AGO2: variants seen among roughly 807,000 people sequenced by gnomAD.
AGO2 encodes protein argonaute-2.
In AGO2, 5 loss-of-function variants were observed where a neutral mutation model predicts 102.3. That is an observed-to-expected ratio of 0.05 (90% CI 0.03 to 0.10). AGO2 has a LOEUF of 0.10. AGO2 is among the 10% of genes least tolerant of loss of function. The pLI is 1.00. For synonymous variants in AGO2, 449 were observed against 473.1 expected (o/e 0.95, Z 0.66); for missense variants, 541 against 1,183.7 (o/e 0.46, Z 7.97).
At position 140,531,783 on chromosome 8, in the gene AGO2, G is replaced by A. The variant is rs760430434; in HGVS notation, c.*261C>T. The A allele has an allele frequency of 4.8e-5, 17 of 353,716 alleles. No individual in the cohort carries two copies. The highest frequency in any genetic ancestry group is 8.3e-5 in the Admixed American group (2 of 24,008). The allele number at this position is 353,716 out of a possible 1,614,324, so 21.9% of individuals were successfully genotyped here. On this transcript the variant is annotated 3_prime_UTR_variant, in exon 19 of 19. Transcript: ENST00000220592. ...GTTTTAGGAGATTTTTAGGACACACGGGACTCTGTTTTAATAAGCAGCTTA... is the reference window on the plus strand; with the variant it reads ...GTTTTAGGAGATTTTTAGGACACACAGGACTCTGTTTTAATAAGCAGCTTA...
At chr8:140,544,390 G>A in intron 13 of AGO2, 87 bp from the exon 14 acceptor site, 2 of 1,101,936 alleles carry the variant, frequency 1.8e-6, no homozygotes, top group Non-Finnish European at 2.6e-6. Flanking sequence ...TTTTGGAGGT[G>A]GTCAGTGTAT....
At position 140,539,254 on chromosome 8, in the gene AGO2, G is replaced by A; in HGVS notation, c.2169+66C>T. The A allele has an allele frequency of 3.9e-6, 6 of 1,533,618 alleles. No homozygotes were observed. The highest frequency in any genetic ancestry group is 2.3e-5 in the East Asian group (1 of 43,754). On this transcript the variant is annotated intron_variant, in intron 16 of 18. Transcript: ENST00000220592. The surrounding 1 kb of genome is among the most constrained non-coding windows in gnomAD (Gnocchi z 4.7). ...CTGTGGCCAGCAGGTTCTCTTGTGA[G>A]TGTGCTCGGGGTGTGGGGCTGAGGG... is the stretch of plus-strand genomic sequence containing the variant.
At chr8:140,556,086 C>A in intron 9 of AGO2, 68 bp from the exon 10 acceptor site, 3 of 1,610,728 alleles carry the variant, frequency 1.9e-6, no homozygotes, top group Non-Finnish European at 2.5e-6. Context: ...CAGCTGCGTC[C>A]GTTCCAAGCA....
At chr8:140,581,205 C>A (rs1242732227) in intron 2 of AGO2, among the ~76,000 whole-genome samples, 3 of 152,216 alleles carry the variant, frequency 2.0e-5, no homozygotes, top group Admixed American at 6.5e-5. Flanking sequence ...GAGTTTGAGA[C>A]CAGCCTGGGC....
chr8:140,601,751 A>G (rs997054434), intron 1 of AGO2, among the ~76,000 whole-genome samples: 4 of 152,056 alleles, frequency 2.6e-5, no homozygotes, highest in Non-Finnish European at 5.9e-5. Context: ...TAAAACAAAC[A>G]CTATGTAAAT....
intron 1 of AGO2, among the ~76,000 whole-genome samples, chr8:140,603,115 G>A (rs2073953143): frequency 6.6e-6 from 1 of 152,190 alleles, no homozygotes; most frequent in African/African-American, 2.4e-5. Context: ...GCCCAGAATT[G>A]GTGGGAGCCT....
Position 140,556,297 on chromosome 8 carries a change from G to A in AGO2, c.1027-11C>T. 1 of 1,613,918 alleles carries A rather than the reference G, an allele frequency of 6.2e-7. No individual in the cohort carries two copies. The highest frequency in any genetic ancestry group is 8.5e-7 in the Non-Finnish European group (1 of 1,179,912). ...CACAATGTTACAGACCTGTGAAGAG[G>A]ACGTAGAGACAGGCCGTCAGTGCCG... On this transcript the variant is annotated splice_polypyrimidine_tract_variant and intron_variant, in intron 8 of 18. Coordinates refer to ENST00000220592, the MANE Select transcript of AGO2 (RefSeq NM_012154.5).
chr8:140,634,092 A>C (rs1010513252), intron 1 of AGO2, among the ~76,000 whole-genome samples: 1 of 152,238 alleles, frequency 6.6e-6, no homozygotes, highest in African/African-American at 2.4e-5. Context: ...TCTAGAGGCC[A>C]GCACCTGCTC....
chr8:140,598,627 C>T (rs1238714650), intron 1 of AGO2, among the ~76,000 whole-genome samples: 2 of 152,220 alleles, frequency 1.3e-5, no homozygotes, highest in African/African-American at 2.4e-5. Context: ...GTGCCAAGCC[C>T]TGTCTGAGCC....
intron 1 of AGO2, among the ~76,000 whole-genome samples, chr8:140,613,618 T>A (rs902317422): frequency 6.6e-6 from 1 of 152,140 alleles, no homozygotes; most frequent in Non-Finnish European, 1.5e-5. Flanking sequence ...CAGCCCTGCC[T>A]GAGGTTTCTT....
At position 140,556,962 on chromosome 8, in the gene AGO2, C is replaced by T. The variant is rs986085773; in HGVS notation, c.1026+127G>A. The stretch of plus-strand genomic sequence containing the variant: ...AAAGCCCATTAACCCACCCGCATTC[C>T]TGCAGCAGCAGAGGCAGTGCCATTT... On this transcript the variant is annotated intron_variant, in intron 8 of 18. Transcript: ENST00000220592. 2.9e-6 allele frequency: 4 copies of T among 1,364,754 alleles called. No homozygotes were observed. In the African/African-American group the frequency reaches 4.4e-5, roughly 15 times the overall value. 84.5% of individuals were successfully genotyped at this position (1,364,754 alleles called of 1,614,324 possible).
Position 140,539,522 on chromosome 8 carries a change from C to T in AGO2, c.2035-68G>A, listed in dbSNP as rs986748552. The T allele has an allele frequency of 1.6e-5, 25 of 1,539,788 alleles. No individual in the cohort carries two copies. The highest frequency in any genetic ancestry group is 1.8e-4 in the Middle Eastern group (1 of 5,698). ...TGCATGTGAGCAACGGTCCCACGTG[C>T]GGGTTCTGGGTTGAGAACACCCAGC... On this transcript the variant is annotated intron_variant, in intron 15 of 18. Coordinates refer to ENST00000220592, the MANE Select transcript of AGO2 (RefSeq NM_012154.5). This position sits in a 1 kb window ranked among gnomAD's most constrained non-coding sequence, Gnocchi z 4.7.
At chr8:140,631,270 G>A (rs1448956374) in intron 1 of AGO2, among the ~76,000 whole-genome samples, 2 of 152,176 alleles carry the variant, frequency 1.3e-5, no homozygotes, top group Non-Finnish European at 2.9e-5. Flanking sequence ...GGCCGGGCGT[G>A]GTGGCTCACG....
At chr8:140,600,090 G>A (rs957223542) in intron 1 of AGO2, among the ~76,000 whole-genome samples, 1 of 152,246 alleles carries the variant, frequency 6.6e-6, no homozygotes, top group African/African-American at 2.4e-5. Context: ...CTGTGAAGAT[G>A]AGACGCCTTG....
the AGO2 span, among the ~76,000 whole-genome samples, chr8:140,642,184 C>A: frequency 1.3e-5 from 2 of 152,202 alleles, no homozygotes. Context: ...AGGGAGACAG[C>A]ATACTCACGG....
intron 17 of AGO2, among the ~76,000 whole-genome samples, chr8:140,534,442 C>G (rs975562017): frequency 3.3e-5 from 5 of 152,188 alleles, no homozygotes; most frequent in Non-Finnish European, 5.9e-5. Flanking sequence ...GCAAAGCAAG[C>G]CAACACTGGG....
chr8:140,583,663 C>A (rs560233395), intron 2 of AGO2, among the ~76,000 whole-genome samples: 52 of 152,314 alleles, frequency 3.4e-4, no homozygotes, highest in African/African-American at 1.2e-3. Context: ...CACTTGAGGT[C>A]AGGAGTTCAA....
rs889498496 is a variant in AGO2 at position 140,539,010 on chromosome 8, G to C, written c.2169+310C>G. ...CCTAGCTACCAGGGAGGCTGACGTG[G>C]GAAGATCACTTGAGCCCAGGAGATA... On this transcript the variant is annotated intron_variant, in intron 16 of 18. Transcript: ENST00000220592. This position sits in a 1 kb window ranked among gnomAD's most constrained non-coding sequence, Gnocchi z 4.7. 7.2e-5 allele frequency among the ~76,000 whole-genome samples: 11 copies of C among 152,300 alleles called. No homozygotes were observed. Among genetic ancestry groups the C allele is most frequent in the African/African-American group, 2.6e-4 (11 of 41,554 alleles).
intron 1 of AGO2, among the ~76,000 whole-genome samples, chr8:140,634,824 C>T (rs1309581280): frequency 2.0e-5 from 3 of 152,198 alleles, no homozygotes; most frequent in African/African-American, 4.8e-5. Context: ...CAGGCGACAG[C>T]CCTAACTACA....
Sources: allele counts gnomAD v4.1 joint callset (sites outside exome capture counted in the v4.1 genomes callset), GRCh38; gene constraint gnomAD v4.1.1; non-coding constraint Gnocchi (gnomAD v3.1); transcripts MANE v1.5; gene names NCBI Gene and HGNC (gene_info 2026-07-23, HGNC 2026-07-21).